The following LYRM4 variants were observed in gnomAD, a reference collection of about 807,000 sequenced individuals.
LYRM4 encodes LYR motif containing 4.
LYRM4 carries 9 observed loss-of-function variants against 11.7 expected under a neutral mutation model. That is an observed-to-expected ratio of 0.77 (90% confidence interval 0.46 to 1.34). LYRM4 has a LOEUF of 1.34. LYRM4 is among the 40% of genes most tolerant of loss of function. The pLI, the probability that LYRM4 is intolerant of heterozygous loss-of-function variation, is 0.00. For synonymous variants in LYRM4, 42 were observed against 40.4 expected, an observed-to-expected ratio of 1.04 and a Z score of -0.15; for missense variants, 133 against 112.5, an observed-to-expected ratio of 1.18 and a Z score of -0.82.
chr6:5,218,641 A>T (rs895108449), intron 1 of LYRM4, among the ~76,000 whole-genome samples: 1 of 152,170 alleles, frequency 6.6e-6, no homozygotes, highest in Admixed American at 6.5e-5. Context: ...ATTTCAGAGG[A>T]GCTGCTGAGC....
At chr6:5,146,097 G>A (rs901563438) in intron 2 of LYRM4, among the ~76,000 whole-genome samples, 5 of 152,198 alleles carry the variant, frequency 3.3e-5, no homozygotes, top group Non-Finnish European at 5.9e-5. Context: ...GGCACATGGT[G>A]CTTCTGGCAC....
the LYRM4 span, chr6:5,054,442 A>C: frequency 2.0e-5 from 3 of 153,774 alleles, no homozygotes; most frequent in Non-Finnish European, 4.4e-5. Context: ...TGTGCAAACA[A>C]CACCAAATCC....
chr6:5,192,613 G>T (rs1254860542), intron 2 of LYRM4, among the ~76,000 whole-genome samples: 1 of 152,190 alleles, frequency 6.6e-6, no homozygotes, highest in African/African-American at 2.4e-5. Flanking sequence ...ATCCACAGGG[G>T]ACTGCACCTC....
At chr6:5,037,615 C>A in the LYRM4 span, among the ~76,000 whole-genome samples, 4 of 72,058 alleles carry the variant, frequency 5.6e-5, no homozygotes, top group African/African-American at 1.2e-4. Flanking sequence ...ACCTCCCGGA[C>A]GGGGCGGCTG....
Position 5,164,851 on chromosome 6 carries a change from C to T in LYRM4, c.207+51767G>A, listed in dbSNP as rs571654036. ...GGTGTGGTGGTACACACCTGTGATC[C>T]CAGCTACTCAGGAGGCTGAGGCAGG... On this transcript the variant is annotated intron_variant, in intron 2 of 2. Coordinates refer to ENST00000330636, the MANE Select transcript of LYRM4 (RefSeq NM_020408.6). 4.0e-5 allele frequency among the ~76,000 whole-genome samples: 6 copies of T among 151,898 alleles called. No individual in the cohort carries two copies. In the South Asian group the frequency reaches 1.2e-3, roughly 32 times the overall value.
chr6:5,241,835 G>A (rs917777140), intron 1 of LYRM4, among the ~76,000 whole-genome samples: 1 of 147,068 alleles, frequency 6.8e-6, no homozygotes, highest in African/African-American at 2.7e-5. Context: ...AAAACAGGCC[G>A]TGGAGATAAC....
chr6:5,161,983 T>C (rs1029503599), intron 2 of LYRM4, among the ~76,000 whole-genome samples: 3 of 152,202 alleles, frequency 2.0e-5, no homozygotes, highest in African/African-American at 7.2e-5. Flanking sequence ...CTCTTACCAC[T>C]TTCTGTTACT....
intron 1 of LYRM4, among the ~76,000 whole-genome samples, chr6:5,245,485 A>C (rs1561899430): frequency 6.6e-6 from 1 of 152,062 alleles, no homozygotes; most frequent in Non-Finnish European, 1.5e-5. Flanking sequence ...TCTAGTGAAA[A>C]TGTGGCAAGA....
chr6:5,232,850 A>C (rs1763321299), intron 1 of LYRM4, among the ~76,000 whole-genome samples: 1 of 152,232 alleles, frequency 6.6e-6, no homozygotes, highest in South Asian at 2.1e-4. Flanking sequence ...TAATTCCATG[A>C]TACAATAAGC....
intron 2 of LYRM4, chr6:5,144,291 T>A (rs1300867312): frequency 6.5e-7 from 1 of 1,536,746 alleles, no homozygotes; most frequent in East Asian, 2.4e-5. Context: ...AAGTCTTGGG[T>A]GAGGGCTAGC....
the LYRM4 span, among the ~76,000 whole-genome samples, chr6:5,062,226 A>G: frequency 1.0e-4 from 15 of 148,486 alleles, no homozygotes; most frequent in Non-Finnish European, 1.0e-4. Context: ...CTAGGACTAC[A>G]TGTGCACACC....
the LYRM4 span, among the ~76,000 whole-genome samples, chr6:5,051,791 A>G: frequency 1.3e-5 from 2 of 152,152 alleles, no homozygotes; most frequent in African/African-American, 4.8e-5. Context: ...AAGATTGGGC[A>G]TCTAACAAAG....
chr6:5,060,999 G>T, the LYRM4 span, among the ~76,000 whole-genome samples: 4 of 152,046 alleles, frequency 2.6e-5, no homozygotes, highest in Admixed American at 1.3e-4. Flanking sequence ...AAATTTAGGG[G>T]ACAGCCAGTC....
chr6:5,149,965 A>C (rs1228333215), intron 2 of LYRM4, among the ~76,000 whole-genome samples: 1 of 152,220 alleles, frequency 6.6e-6, no homozygotes, highest in African/African-American at 2.4e-5. Flanking sequence ...CTCTAGGATA[A>C]ATGTAACAAA....
At chr6:5,150,788 T>C (rs1220116825) in intron 2 of LYRM4, among the ~76,000 whole-genome samples, 1 of 152,214 alleles carries the variant, frequency 6.6e-6, no homozygotes, top group Admixed American at 6.5e-5. Flanking sequence ...AACCAATCTC[T>C]TGCAGCTTAG....
At chr6:5,044,287 C>A in the LYRM4 span, among the ~76,000 whole-genome samples, 1 of 151,744 alleles carries the variant, frequency 6.6e-6, no homozygotes, top group Non-Finnish European at 1.5e-5. Flanking sequence ...CACACCACCA[C>A]GCCTGGTTAA....
the LYRM4 span, among the ~76,000 whole-genome samples, chr6:5,054,647 A>C: frequency 1.3e-5 from 2 of 152,192 alleles, no homozygotes; most frequent in African/African-American, 4.8e-5. Context: ...ATTCCAAAAA[A>C]TACCTGAAAA....
At chr6:5,118,094 A>ATATATT in intron 2 of LYRM4, among the ~76,000 whole-genome samples, 4 of 86,114 alleles carry the variant, frequency 4.6e-5, no homozygotes, top group South Asian at 4.3e-4. Flanking sequence ...ATATATATAT[A>ATATATT]TTTTTGTTTT....
At chr6:5,247,229 C>A (rs1427624768) in intron 1 of LYRM4, among the ~76,000 whole-genome samples, 2 of 152,134 alleles carry the variant, frequency 1.3e-5, no homozygotes, top group Non-Finnish European at 2.9e-5. Flanking sequence ...TTAATGTCCC[C>A]CCAAGTCCAG....
Sources: allele counts gnomAD v4.1 joint callset (sites outside exome capture counted in the v4.1 genomes callset), GRCh38; gene constraint gnomAD v4.1.1; transcripts MANE v1.5; gene names NCBI Gene and HGNC (gene_info 2026-07-23, HGNC 2026-07-21).